MDN1: variants seen among roughly 807,000 people sequenced by gnomAD.
The protein encoded by MDN1 is midasin.
MDN1 carries 266 observed loss-of-function variants against 669.2 expected under a neutral mutation model. The ratio of observed to expected loss-of-function variants is 0.40; its 90% CI spans 0.36 to 0.44. The LOEUF (loss-of-function observed/expected upper bound fraction) is 0.44. Ranked by LOEUF, MDN1 falls within the 20% of genes least tolerant of loss-of-function variation. MDN1 has a pLI of 1.00. For synonymous variants in MDN1, 2,385 were observed against 2,457.1 expected, an observed-to-expected ratio of 0.97 and a Z score of 0.87; for missense variants, 5,940 against 6,754.0, an observed-to-expected ratio of 0.88 and a Z score of 4.22.
At chr6:89,746,069 G>T (rs1412801947) in intron 27 of MDN1, among the ~76,000 whole-genome samples, 1 of 152,162 alleles carries the variant, frequency 6.6e-6, no homozygotes, top group Admixed American at 6.5e-5. Context: ...AACCCAAAAA[G>T]TACATACTGC....
chr6:89,696,129 A>T, intron 60 of MDN1, 137 bp from the exon 61 acceptor site: 1 of 1,288,908 alleles, frequency 7.8e-7, no homozygotes, highest in Non-Finnish European at 1.1e-6. Flanking sequence ...CTGTTCTCAC[A>T]TGGTCTTATT....
rs769974679 is a variant in MDN1 at position 89,772,715 on chromosome 6, C to G, written c.1941G>C (p.Lys647Asn). The change falls in exon 14 of 102, where the codon AAG becomes AAC. Residue 647 changes from lysine (K) to asparagine (N), a missense_variant. Around this residue, in one of 5 missense-constraint regions of MDN1, gnomAD observed 1,203 missense variants for 1,268.9 expected, o/e 0.95. Transcript: ENST00000369393. The part of the protein sequence containing the change: ...QSEAVHLQRE[K>N]FTFAATRPSS... ...ACGGCCGTGTAGCAGCGAAAGTGAA[C>G]TTCTCCCTGGGAAGGAGAAAAAAAG... 1.2e-6 allele frequency: 2 copies of G among 1,613,212 alleles called. No individual in the cohort carries two copies. Among genetic ancestry groups the G allele is most frequent in the Non-Finnish European group, 1.7e-6 (2 of 1,179,684 alleles).
intron 15 of MDN1, among the ~76,000 whole-genome samples, chr6:89,767,266 A>G (rs191067836): frequency 2.4e-4 from 37 of 152,358 alleles, no homozygotes; most frequent in Admixed American, 2.1e-3. Flanking sequence ...CGAGTTTAAA[A>G]TTAAATGAAG....
Position 89,776,598 on chromosome 6 carries a change from A to G in MDN1, c.1821+2T>C. On this transcript the variant is annotated splice_donor_variant, in intron 12 of 101. Coordinates refer to ENST00000369393, the MANE Select transcript of MDN1 (RefSeq NM_014611.3). LOFTEE classifies it high-confidence loss of function. ...AGGGAAGTAAAAAAACAGCACACAT[A>G]CCTTTTTTCTAGAAATGTTCAATTT... is the stretch of plus-strand genomic sequence containing the variant. 1 of 1,602,474 alleles carries G rather than the reference A, an allele frequency of 6.2e-7. No homozygotes were observed. The highest frequency in any genetic ancestry group is 8.5e-7 in the Non-Finnish European group (1 of 1,171,570).
Position 89,654,195 on chromosome 6 carries a change from C to T in MDN1, c.15630G>A (p.Glu5210=), listed in dbSNP as rs1317364322. Residue 5210 remains glutamate, a synonymous_variant, in exon 93 of 102, where the codon GAG becomes GAA. Coordinates refer to ENST00000369393, the MANE Select transcript of MDN1 (RefSeq NM_014611.3). ...KAADVEQLKP[E]EIKSGTTAPL... ...GTGCTGTGGTGCCCGACTTGATTTC[C>T]TCTGGCTTCAGCTGCTCCACGTCTG... 5 of 1,614,076 alleles carry T rather than the reference C, an allele frequency of 3.1e-6. No individual in the cohort carries two copies. In the African/African-American group the frequency reaches 6.7e-5, roughly 22 times the overall value.
intron 59 of MDN1, 44 bp from the exon 60 acceptor site, chr6:89,696,618 A>C: frequency 8.7e-6 from 13 of 1,494,344 alleles, no homozygotes; most frequent in Non-Finnish European, 1.2e-5. Flanking sequence ...AAATTAAGAC[A>C]ATTTCCAGAA....
Position 89,751,534 on chromosome 6 carries a change from A to G in MDN1, c.3124T>C (p.Trp1042Arg), listed in dbSNP as rs1175088847. ...GGCTCCTTGTCTCCCACCGCAATCCAGTAGCCTTCAACCTGGATAAGCCGA... is the reference window on the plus strand; with the variant it reads ...GGCTCCTTGTCTCCCACCGCAATCCGGTAGCCTTCAACCTGGATAAGCCGA... ...GGRLIQVEGY[W>R]IAVGDKEPTI... The change falls in exon 23 of 102, where the codon TGG (tryptophan) becomes CGG (arginine). Residue 1042 changes from tryptophan (W) to arginine (R), a missense_variant. By Grantham distance (101) the Trp-to-Arg change is moderately radical (BLOSUM62 -3). Transcript: ENST00000369393. The G allele has an allele frequency of 6.2e-7, 1 of 1,614,162 alleles. No homozygotes were observed. Among genetic ancestry groups the G allele is most frequent in the South Asian group, 1.1e-5 (1 of 91,088 alleles).
intron 11 of MDN1, among the ~76,000 whole-genome samples, chr6:89,779,353 A>G (rs75386964): frequency 0.013 from 1,943 of 152,270 alleles, 17 homozygotes; most frequent in Non-Finnish European, 0.019. Flanking sequence ...TTCTGTAATA[A>G]TATCCACTAG....
chr6:89,676,975 A>G (rs1484144350), intron 76 of MDN1, among the ~76,000 whole-genome samples: 1 of 142,922 alleles, frequency 7.0e-6, no homozygotes, highest in Non-Finnish European at 1.5e-5. Flanking sequence ...TTCCACATGT[A>G]TGATCAAATG....
chr6:89,707,432 G>C lies in MDN1; in HGVS notation c.7943C>G (p.Ala2648Gly). The change falls in exon 52 of 102, where the codon GCA (alanine) becomes GGA (glycine). Residue 2648 changes from alanine to glycine, a missense_variant. Ala to Gly is a moderately conservative substitution (Grantham distance 60). This residue lies in a region of MDN1 where 2,292 missense variants were observed against 2,638.3 expected (regional missense o/e 0.87). Transcript: ENST00000369393. ...LDREKRVFTE[A>G]NLVSVGSKKL... ...TTTGCTACCAACAGAAACCAAATTT[G>C]CTTCAGTAAAAACCCGTTTTTCCCG... is the stretch of plus-strand genomic sequence containing the variant. 6.2e-7 allele frequency: 1 copy of C among 1,613,962 alleles called. No homozygotes were observed. The highest frequency in any genetic ancestry group is 8.5e-7 in the Non-Finnish European group (1 of 1,179,922).
At chr6:89,681,440 C>T (rs1811610001) in intron 73 of MDN1, among the ~76,000 whole-genome samples, 1 of 152,186 alleles carries the variant, frequency 6.6e-6, no homozygotes, top group African/African-American at 2.4e-5. Flanking sequence ...TCCCAAAGTG[C>T]TGGGATTACA....
Position 89,671,053 on chromosome 6 carries a change from C to T in MDN1, c.13822G>A (p.Val4608Met). The change falls in exon 83 of 102, where the codon GTG (valine) becomes ATG (methionine). Residue 4608 changes from valine (V) to methionine (M), a missense_variant. Val to Met is a conservative substitution (Grantham distance 21). Transcript: ENST00000369393. ...LFFSQSCSLL[V>M]RLVPVLSSYS... is the part of the protein sequence containing the mutation. ...CTGGAGAGGACCGGCACCAGGCGCACCAGCAAGGAACAGGATTGGCTGAAG... is the reference window on the plus strand; with the variant it reads ...CTGGAGAGGACCGGCACCAGGCGCATCAGCAAGGAACAGGATTGGCTGAAG... The T allele has an allele frequency of 1.2e-6, 2 of 1,613,918 alleles. No individual in the cohort carries two copies. The highest frequency in any genetic ancestry group is 1.7e-6 in the Non-Finnish European group (2 of 1,179,986).
Position 89,698,857 on chromosome 6 carries a change from C to T in MDN1, c.9168+8G>A. Reference sequence around the variant, plus strand: ...TCAAACATTTTTTATAATTTTAGACCAACAAACCTTCAATGTGGAGTCCAA... The same window carrying T: ...TCAAACATTTTTTATAATTTTAGACTAACAAACCTTCAATGTGGAGTCCAA... On this transcript the variant is annotated splice_region_variant and intron_variant, in intron 59 of 101. Transcript: ENST00000369393. The T allele has an allele frequency of 6.2e-7, 1 of 1,612,552 alleles. No homozygotes were observed. The highest frequency in any genetic ancestry group is 8.5e-7 in the Non-Finnish European group (1 of 1,179,602).
At chr6:89,795,757 A>T (rs1819558533) in intron 2 of MDN1, among the ~76,000 whole-genome samples, 2 of 151,848 alleles carry the variant, frequency 1.3e-5, no homozygotes. Flanking sequence ...AGTTCTAGAC[A>T]GCTGGACCAA....
Position 89,735,062 on chromosome 6 carries a change from T to C in MDN1, c.4724-2287A>G, listed in dbSNP as rs1394885125. 8.5e-5 allele frequency among the ~76,000 whole-genome samples: 13 copies of C among 152,112 alleles called. 1 individual carries two copies. ...CCTGCCACAACGCCCAGCTAATTTT[T>C]GTATTTTTAGTAGAGACGGGATTTC... On this transcript the variant is annotated intron_variant, in intron 33 of 101. Coordinates refer to ENST00000369393, the MANE Select transcript of MDN1 (RefSeq NM_014611.3).
At chr6:89,744,651 C>T (rs1816492635) in intron 29 of MDN1, among the ~76,000 whole-genome samples, 1 of 152,012 alleles carries the variant, frequency 6.6e-6, no homozygotes, top group Non-Finnish European at 1.5e-5. Flanking sequence ...GATCCGCCTG[C>T]CTCAGCCTCC....
chr6:89,799,577 G>T (rs947533863), intron 2 of MDN1, among the ~76,000 whole-genome samples: 4 of 152,132 alleles, frequency 2.6e-5, no homozygotes, highest in African/African-American at 9.7e-5. Context: ...CAGCTACTTC[G>T]GAGGCTGAGG....
rs576623494 is a variant in MDN1, at chr6:89,758,922, G to A, written c.2499C>T (p.Ile833=). ...CAGCCAAGTTAATCTCATCCAACAA[G>A]ATCCACTCTCCTTTCTTTACAGCCT... ...LAQAVKKGEW[I]LLDEINLAAP... The change falls in exon 18 of 102, where the codon ATC becomes ATT. Residue 833 remains isoleucine (I), a synonymous_variant. Coordinates refer to ENST00000369393, the MANE Select transcript of MDN1 (RefSeq NM_014611.3). 6 of 1,613,806 alleles carry A rather than the reference G, an allele frequency of 3.7e-6. No homozygotes were observed. The African/African-American group carries it at 4.0e-5, about 11-fold the overall frequency.
chr6:89,780,180 A>G (rs912736613), intron 11 of MDN1, 32 bp downstream of exon 11: 1 of 1,328,268 alleles, frequency 7.5e-7, no homozygotes, highest in Non-Finnish European at 1.0e-6. Flanking sequence ...TTACAGAACC[A>G]AGACAAAAAA....
Sources: gnomAD v4.1 joint callset for allele counts (sites outside exome capture counted in the v4.1 genomes callset) on GRCh38, gnomAD v4.1.1 for gene constraint, gnomAD v4.1.1 regional missense constraint, MANE v1.5 for transcripts, NCBI Gene and HGNC (gene_info 2026-07-23, HGNC 2026-07-21) for gene names.